KCNS3: variants seen among roughly 807,000 people sequenced by gnomAD.
The protein encoded by KCNS3 is delayed-rectifier potassium channel regulatory subunit KCNS3.
In KCNS3, 13 loss-of-function variants were observed where a neutral mutation model predicts 31.0. The observed-to-expected ratio is 0.42, with a 90% CI of 0.27 to 0.67. The LOEUF (loss-of-function observed/expected upper bound fraction) is 0.67, where lower values mean the gene tolerates loss of function less well. Ranked by LOEUF, KCNS3 falls within the 30% of genes least tolerant of loss-of-function variation. The pLI is 0.25. For missense variants in KCNS3, 545 were observed against 622.4 expected, an observed-to-expected ratio of 0.88 and a Z score of 1.32; for synonymous variants, 238 against 241.5, an observed-to-expected ratio of 0.99 and a Z score of 0.13.
chr2:17,906,094 C>G (rs1053486721), intron 1 of KCNS3, among the ~76,000 whole-genome samples: 5 of 152,078 alleles, frequency 3.3e-5, no homozygotes, highest in African/African-American at 9.7e-5. Context: ...TGGTCCTGGA[C>G]TTTTTTTGGT....
chr2:17,932,654 T>A lies in KCNS3; in HGVS notation c.*170T>A. Reference sequence around the variant, plus strand: ...AATGATAGAATTGTCTTTATTTTTCTCTGTGAGGTCAATTAAATGCCTTGT... The same window carrying A: ...AATGATAGAATTGTCTTTATTTTTCACTGTGAGGTCAATTAAATGCCTTGT... On this transcript the variant is annotated 3_prime_UTR_variant, in exon 3 of 3. Transcript: ENST00000304101. 1.5e-6 allele frequency: 1 copy of A among 669,592 alleles called. No homozygotes were observed. The highest frequency in any genetic ancestry group is 2.5e-6 in the Non-Finnish European group (1 of 406,464). 41.5% of individuals were successfully genotyped at this position (669,592 alleles called of 1,614,324 possible). A position where few individuals can be genotyped will look rare whatever the true frequency, so the allele number is the denominator to read the frequency against.
At chr2:17,905,760 C>T (rs904841854) in intron 1 of KCNS3, among the ~76,000 whole-genome samples, 28 of 152,200 alleles carry the variant, frequency 1.8e-4, no homozygotes, top group Middle Eastern at 3.4e-3. Context: ...TGCTGGATTA[C>T]GTTTATTGAT....
In KCNS3 at chr2:17,931,197, C is replaced by G; in HGVS notation, c.189C>G (p.Ala63=). The G allele has an allele frequency of 6.2e-7, 1 of 1,614,004 alleles. No individual in the cohort carries two copies. The highest frequency in any genetic ancestry group is 8.5e-7 in the Non-Finnish European group (1 of 1,179,968). Residue 63 remains alanine (A), a synonymous_variant, in exon 3 of 3, where the codon GCC becomes GCG. Transcript: ENST00000304101. The surrounding 1 kb of genome is among the most constrained non-coding windows in gnomAD (Gnocchi z 5.4). ...ILELCDDYSV[A]DKEYYFDRNP... is the part of the protein sequence containing the mutation. ...AGCTGTGTGATGATTACAGTGTGGCCGATAAGGAGTACTACTTTGATCGGA... is the reference window on the plus strand; with the variant it reads ...AGCTGTGTGATGATTACAGTGTGGCGGATAAGGAGTACTACTTTGATCGGA...
intron 1 of KCNS3, among the ~76,000 whole-genome samples, chr2:17,879,067 T>C (rs1558443109): frequency 6.6e-6 from 1 of 152,092 alleles, no homozygotes; most frequent in Non-Finnish European, 1.5e-5. Flanking sequence ...AACTGCGGGC[T>C]GTTGAAGCGG....
At chr2:17,929,687 C>G (rs532194089) in intron 2 of KCNS3, among the ~76,000 whole-genome samples, 19 of 152,226 alleles carry the variant, frequency 1.2e-4, no homozygotes, top group Non-Finnish European at 2.8e-4. Flanking sequence ...CTCAGTAATC[C>G]CAAAGATGCT....
At chr2:17,891,168 C>T (rs1661846655) in intron 1 of KCNS3, among the ~76,000 whole-genome samples, 2 of 151,842 alleles carry the variant, frequency 1.3e-5, no homozygotes. Flanking sequence ...TTATAATGTC[C>T]CTCTTTGTCT....
intron 1 of KCNS3, among the ~76,000 whole-genome samples, chr2:17,898,460 G>A (rs1035859819): frequency 6.6e-6 from 1 of 152,078 alleles, no homozygotes; most frequent in Non-Finnish European, 1.5e-5. Flanking sequence ...TTCCTCAGAA[G>A]GGCCCTGACT....
At chr2:17,887,394 C>T (rs1046661575) in intron 1 of KCNS3, among the ~76,000 whole-genome samples, 8 of 152,106 alleles carry the variant, frequency 5.3e-5, no homozygotes, top group Non-Finnish European at 1.2e-4. Flanking sequence ...TGAGTTACTT[C>T]ACTTAGAATG....
intron 1 of KCNS3, among the ~76,000 whole-genome samples, chr2:17,904,911 T>A (rs1204497660): frequency 6.6e-6 from 1 of 152,214 alleles, no homozygotes; most frequent in Non-Finnish European, 1.5e-5. Context: ...CCAGCTTTGT[T>A]CTTTGGGCTT....
At chr2:17,892,284 G>GT (rs34573286) in intron 1 of KCNS3, among the ~76,000 whole-genome samples, 47,795 of 148,224 alleles carry the variant, frequency 0.32, 8,237 homozygotes, top group East Asian at 0.57. Flanking sequence ...AATTTTTATT[G>GT]TTTTTTTTTT....
intron 1 of KCNS3, among the ~76,000 whole-genome samples, chr2:17,880,225 T>C (rs1674614152): frequency 6.6e-6 from 1 of 152,202 alleles, no homozygotes; most frequent in Non-Finnish European, 1.5e-5. Flanking sequence ...AAGAGGTGGC[T>C]TTGATTCTCT....
intron 1 of KCNS3, among the ~76,000 whole-genome samples, chr2:17,902,482 C>T (rs938180251): frequency 4.6e-5 from 7 of 152,020 alleles, no homozygotes; most frequent in Non-Finnish European, 8.8e-5. Context: ...AAGGTCTAGT[C>T]TTAGCTTTGA....
At chr2:17,912,946 T>C (rs1178436381) in intron 1 of KCNS3, among the ~76,000 whole-genome samples, 3 of 152,222 alleles carry the variant, frequency 2.0e-5, no homozygotes, top group Non-Finnish European at 4.4e-5. Flanking sequence ...AAGGTACTTC[T>C]TGAAATTTGA....
rs1662975229 is a variant in KCNS3 at position 17,931,593 on chromosome 2, G to T, written c.585G>T (p.Val195=). 1 of 1,614,076 alleles carries T rather than the reference G, an allele frequency of 6.2e-7. No homozygotes were observed. The highest frequency in any genetic ancestry group is 1.3e-5 in the African/African-American group (1 of 74,934). Residue 195 remains valine, a synonymous_variant, in exon 3 of 3, where the codon GTG becomes GTT. Coordinates refer to ENST00000304101, the MANE Select transcript of KCNS3 (RefSeq NM_002252.5). The surrounding 1 kb of genome is among the most constrained non-coding windows in gnomAD (Gnocchi z 5.4). ...KLIAISSLSV[V]LASIVAMCVH... is the part of the protein sequence containing the mutation. ...TCGCTATCTCCTCCTTGAGCGTGGT[G>T]CTGGCCTCCATCGTGGCCATGTGCG...
chr2:17,907,096 G>A (rs1042674784), intron 1 of KCNS3, among the ~76,000 whole-genome samples: 5 of 152,314 alleles, frequency 3.3e-5, no homozygotes, highest in African/African-American at 1.2e-4. Context: ...GGGAGTCTAA[G>A]TCTCTTTGTA....
At chr2:17,925,648 A>C (rs1015154658) in intron 2 of KCNS3, among the ~76,000 whole-genome samples, 1 of 152,092 alleles carries the variant, frequency 6.6e-6, no homozygotes, top group Non-Finnish European at 1.5e-5. Flanking sequence ...CAACCATCAG[A>C]CCTTGTGAGA....
At chr2:17,881,539 A>G (rs943573493) in intron 1 of KCNS3, among the ~76,000 whole-genome samples, 1 of 152,228 alleles carries the variant, frequency 6.6e-6, no homozygotes, top group African/African-American at 2.4e-5. Context: ...TACATGTATG[A>G]ACTCACTTCA....
At chr2:17,878,578 C>G (rs1368230055), upstream of KCNS3, 1 of 148,594 alleles carries the variant, frequency 6.7e-6, no homozygotes, top group East Asian at 2.0e-4. Flanking sequence ...GGGGCGGCGG[C>G]CGAGCGGCGG....
upstream of KCNS3, chr2:17,878,101 G>C (rs1674547888): frequency 6.6e-6 from 1 of 152,284 alleles, no homozygotes; most frequent in Non-Finnish European, 1.5e-5. Context: ...TGAGTCTTCA[G>C]GCAGCGGGAC....
Sources: gnomAD v4.1 joint callset for allele counts (sites outside exome capture counted in the v4.1 genomes callset) on GRCh38, gnomAD v4.1.1 for gene constraint, Gnocchi (gnomAD v3.1) non-coding constraint, MANE v1.5 for transcripts, NCBI Gene and HGNC (gene_info 2026-07-23, HGNC 2026-07-21) for gene names.